Variants in CFAP299 observed in about 807,000 individuals in gnomAD.
The protein encoded by CFAP299 is cilia and flagella associated protein 299, also known as cilia- and flagella-associated protein 299.
A neutral mutation model predicts 27.0 loss-of-function variants in CFAP299; 21 were observed. The ratio of observed to expected loss-of-function variants is 0.78; its 90% CI spans 0.55 to 1.12. The LOEUF is 1.12. Among genes scored for constraint, CFAP299 ranks in the 50% most tolerant of loss-of-function variants. CFAP299 has a pLI of 0.00. For missense variants in CFAP299, 310 were observed against 276.6 expected, an observed-to-expected ratio of 1.12 and a Z score of -0.86; for synonymous variants, 104 against 98.1, an observed-to-expected ratio of 1.06 and a Z score of -0.36.
chr4:80,769,690 A>G (rs1308044424), intron 3 of CFAP299, among the ~76,000 whole-genome samples: 2 of 152,158 alleles, frequency 1.3e-5, no homozygotes, highest in Non-Finnish European at 2.9e-5. Flanking sequence ...CACCATGTCC[A>G]GTCAATTCCC....
intron 3 of CFAP299, among the ~76,000 whole-genome samples, chr4:80,656,227 T>A (rs1254498846): frequency 2.0e-5 from 3 of 152,144 alleles, no homozygotes; most frequent in African/African-American, 7.2e-5. Flanking sequence ...GATATGTTTT[T>A]AAAAAATTAT....
intron 3 of CFAP299, among the ~76,000 whole-genome samples, chr4:80,676,980 G>C (rs975221045): frequency 3.3e-5 from 5 of 151,438 alleles, no homozygotes; most frequent in African/African-American, 9.7e-5. Flanking sequence ...TTTTCCTTCT[G>C]CTAATTTGGG....
At chr4:80,666,442 A>G (rs921579855) in intron 3 of CFAP299, among the ~76,000 whole-genome samples, 5 of 152,182 alleles carry the variant, frequency 3.3e-5, no homozygotes, top group African/African-American at 1.2e-4. Context: ...TTCAAATACC[A>G]TAACATTAGC....
intron 2 of CFAP299, among the ~76,000 whole-genome samples, chr4:80,473,224 G>C (rs1264561046): frequency 3.3e-5 from 5 of 152,108 alleles, no homozygotes; most frequent in African/African-American, 9.7e-5. Flanking sequence ...ATACAGCCAA[G>C]CTGAGACCTT....
chr4:80,394,606 G>A (rs1725676957), intron 2 of CFAP299, among the ~76,000 whole-genome samples: 1 of 151,970 alleles, frequency 6.6e-6, no homozygotes, highest in Admixed American at 6.6e-5. Flanking sequence ...TTTATATATA[G>A]GGTGATATAA....
chr4:80,925,561 C>G (rs1736266614), intron 4 of CFAP299, among the ~76,000 whole-genome samples: 1 of 151,874 alleles, frequency 6.6e-6, no homozygotes, highest in Admixed American at 6.6e-5. Context: ...AAAGTGACAA[C>G]CCATACACCT....
chr4:80,474,491 A>G (rs1333991550), intron 2 of CFAP299, among the ~76,000 whole-genome samples: 4 of 152,228 alleles, frequency 2.6e-5, no homozygotes, highest in African/African-American at 9.6e-5. Flanking sequence ...TTGAACATGA[A>G]TTCCCCATCC....
At chr4:80,754,602 A>G (rs1014811093) in intron 3 of CFAP299, among the ~76,000 whole-genome samples, 7 of 151,718 alleles carry the variant, frequency 4.6e-5, no homozygotes, top group African/African-American at 1.7e-4. Context: ...AGATCTGCAC[A>G]TTTTTGGAGG....
chr4:80,519,900 A>T (rs1732816078), intron 2 of CFAP299, among the ~76,000 whole-genome samples: 1 of 152,196 alleles, frequency 6.6e-6, no homozygotes, highest in Non-Finnish European at 1.5e-5. Context: ...GTCAGTCTAT[A>T]GCTGCAGTCT....
chr4:80,899,980 G>C (rs1734804275), intron 4 of CFAP299, among the ~76,000 whole-genome samples: 1 of 152,088 alleles, frequency 6.6e-6, no homozygotes, highest in Non-Finnish European at 1.5e-5. Context: ...TATAAGAACA[G>C]TTTCAGTCAA....
At chr4:80,629,871 GAAAAAAAAAAAAACAA>G (rs1577953397) in intron 3 of CFAP299, among the ~76,000 whole-genome samples, 2 of 66,988 alleles carry the variant, frequency 3.0e-5, no homozygotes, top group African/African-American at 7.4e-5. Context: ...TCTGTATCTG[GAAAAAAAAAAAAACAA>G]AAAAAACAAA....
intron 2 of CFAP299, among the ~76,000 whole-genome samples, chr4:80,497,461 A>G (rs1046327449): frequency 6.6e-6 from 1 of 152,176 alleles, no homozygotes; most frequent in Admixed American, 6.5e-5. Context: ...ACTATTCTAA[A>G]GGTAACTTTT....
intron 4 of CFAP299, among the ~76,000 whole-genome samples, chr4:80,930,226 T>C (rs1736548857): frequency 6.6e-6 from 1 of 152,180 alleles, no homozygotes; most frequent in East Asian, 1.9e-4. Flanking sequence ...TCTGGATAGC[T>C]GAACATGTAG....
At chr4:80,870,967 T>A (rs1382609438) in intron 4 of CFAP299, 2 of 815,556 alleles carry the variant, frequency 2.5e-6, no homozygotes, top group African/African-American at 3.7e-5. Flanking sequence ...AGTGCAATGG[T>A]GCAATCTTGG....
intron 2 of CFAP299, among the ~76,000 whole-genome samples, chr4:80,541,808 G>T (rs941260726): frequency 6.6e-6 from 1 of 151,976 alleles, no homozygotes; most frequent in Non-Finnish European, 1.5e-5. Flanking sequence ...AAAAAGAAAA[G>T]GATCCAATGA....
rs78286374 is a variant in CFAP299, at chr4:80,505,162, A to G, written c.243-77931A>G. Among the ~76,000 whole-genome samples the G allele has an allele frequency of 6.6e-5, 10 of 151,704 alleles. No homozygotes were observed. The East Asian group carries it at 1.9e-3, about 29-fold the overall frequency. ...TATATATATAAATGATACATATAAA[A>G]TAGGGGGGATGAACATACACTTTAC... is the stretch of plus-strand genomic sequence containing the variant. On this transcript the variant is annotated intron_variant, in intron 2 of 5. Coordinates refer to ENST00000358105, the MANE Select transcript of CFAP299 (RefSeq NM_152770.3).
chr4:80,754,777 A>G (rs1209882441), intron 3 of CFAP299, among the ~76,000 whole-genome samples: 1 of 152,062 alleles, frequency 6.6e-6, no homozygotes, highest in African/African-American at 2.4e-5. Flanking sequence ...CCAAGGGTTC[A>G]TTGGTACCTG....
intron 2 of CFAP299, among the ~76,000 whole-genome samples, chr4:80,393,466 A>T (rs1471277210): frequency 6.6e-6 from 1 of 152,116 alleles, no homozygotes; most frequent in African/African-American, 2.4e-5. Context: ...GACTCACTGA[A>T]AGCAACTTCC....
chr4:80,591,129 T>A (rs2867779), intron 3 of CFAP299, among the ~76,000 whole-genome samples: 6,472 of 139,536 alleles, frequency 0.046, 487 homozygotes, highest in African/African-American at 0.16. Flanking sequence ...TTTTTTTTTT[T>A]TTATTTTTTT....
Sources: gnomAD v4.1 joint callset for allele counts (sites outside exome capture counted in the v4.1 genomes callset) on GRCh38, gnomAD v4.1.1 for gene constraint, MANE v1.5 for transcripts, NCBI Gene and HGNC (gene_info 2026-07-23, HGNC 2026-07-21) for gene names.